Variants in PTPRD observed in about 807,000 individuals in gnomAD.
PTPRD encodes the protein receptor-type tyrosine-protein phosphatase delta.
A neutral mutation model predicts 214.5 loss-of-function variants in PTPRD; 34 were observed. The observed-to-expected ratio is 0.16, with a 90% CI of 0.12 to 0.21. The LOEUF (loss-of-function observed/expected upper bound fraction) is 0.21, where lower values mean the gene tolerates loss of function less well. PTPRD is among the 10% of genes least tolerant of loss of function. PTPRD has a pLI of 1.00. For missense variants in PTPRD, 2,545 were observed against 2,398.7 expected, an observed-to-expected ratio of 1.06 and a Z score of -1.27; for synonymous variants, 1,128 against 845.7, an observed-to-expected ratio of 1.33 and a Z score of -5.79.
intron 10 of PTPRD, among the ~76,000 whole-genome samples, chr9:9,026,772 T>C (rs1016364483): frequency 6.6e-6 from 1 of 151,936 alleles, no homozygotes. Context: ...TGCTTTATTT[T>C]CATAAGAACT....
chr9:9,858,462 CGAT>C (rs1305687475), intron 5 of PTPRD, among the ~76,000 whole-genome samples: 4 of 152,142 alleles, frequency 2.6e-5, no homozygotes, highest in Admixed American at 2.6e-4. Flanking sequence ...TTTAATCTAT[CGAT>C]GAAGAATGAC....
At chr9:8,468,366 A>C (rs2096584874) in intron 31 of PTPRD, among the ~76,000 whole-genome samples, 1 of 152,010 alleles carries the variant, frequency 6.6e-6, no homozygotes, top group African/African-American at 2.4e-5. Context: ...TGAAAAGCTC[A>C]TGATCTATTA....
At chr9:8,619,740 C>A (rs1248592174) in intron 14 of PTPRD, among the ~76,000 whole-genome samples, 2 of 151,922 alleles carry the variant, frequency 1.3e-5, no homozygotes, top group East Asian at 3.9e-4. Flanking sequence ...CTCAGCAGCC[C>A]CTCTTGGTGG....
chr9:9,366,298 A>C (rs1268511312), intron 9 of PTPRD, among the ~76,000 whole-genome samples: 1 of 151,536 alleles, frequency 6.6e-6, no homozygotes, highest in Non-Finnish European at 1.5e-5. Context: ...GATTTACGAG[A>C]CGTTTTATTT....
intron 10 of PTPRD, among the ~76,000 whole-genome samples, chr9:9,090,233 C>G (rs879444759): frequency 5.9e-5 from 9 of 152,006 alleles, no homozygotes; most frequent in Non-Finnish European, 1.3e-4. Context: ...TTCTCAGCCT[C>G]TGGTAGCAAT....
At chr9:10,543,163 G>T (rs1362117609) in intron 2 of PTPRD, among the ~76,000 whole-genome samples, 2 of 152,056 alleles carry the variant, frequency 1.3e-5, no homozygotes, top group Non-Finnish European at 2.9e-5. Context: ...GGGATTACAG[G>T]TGCAAGCCAC....
intron 11 of PTPRD, among the ~76,000 whole-genome samples, chr9:8,801,237 G>GT (rs1211680763): frequency 2.0e-5 from 3 of 152,066 alleles, no homozygotes; most frequent in African/African-American, 7.2e-5. Flanking sequence ...GACTCACATA[G>GT]TAATTACTGG....
At chr9:10,278,935 A>T (rs778850529) in intron 3 of PTPRD, among the ~76,000 whole-genome samples, 5 of 151,812 alleles carry the variant, frequency 3.3e-5, no homozygotes, top group Admixed American at 6.6e-5. Context: ...CCACCACGCC[A>T]GGCTAATTTT....
chr9:8,467,315 G>C (rs2096563882), intron 31 of PTPRD, among the ~76,000 whole-genome samples: 2 of 151,714 alleles, frequency 1.3e-5, no homozygotes, highest in African/African-American at 4.8e-5. Context: ...AGGCCAGAAA[G>C]GTAGCACTAT....
At chr9:10,168,807 T>TAAA (rs2099177411) in intron 3 of PTPRD, among the ~76,000 whole-genome samples, 1 of 152,190 alleles carries the variant, frequency 6.6e-6, no homozygotes, top group Non-Finnish European at 1.5e-5. Flanking sequence ...AAAAATGAAG[T>TAAA]ATATATTACA....
At chr9:8,392,821 T>C (rs1377157888) in intron 36 of PTPRD, among the ~76,000 whole-genome samples, 2 of 152,088 alleles carry the variant, frequency 1.3e-5, no homozygotes, top group East Asian at 3.9e-4. Context: ...TAAGATCTAA[T>C]GAGTCCTGTA....
At chr9:8,604,432 A>G (rs964382661) in intron 14 of PTPRD, among the ~76,000 whole-genome samples, 10 of 152,318 alleles carry the variant, frequency 6.6e-5, no homozygotes, top group South Asian at 2.1e-4. Flanking sequence ...GCACAGCATG[A>G]TATTTTTTGA....
intron 14 of PTPRD, among the ~76,000 whole-genome samples, chr9:8,589,432 G>A (rs908730105): frequency 3.3e-5 from 5 of 152,114 alleles, no homozygotes; most frequent in Admixed American, 1.3e-4. Flanking sequence ...CTGACTTGTC[G>A]CTTGATTCTT....
intron 3 of PTPRD, among the ~76,000 whole-genome samples, chr9:10,057,062 C>G (rs1401915318): frequency 6.6e-6 from 1 of 152,108 alleles, no homozygotes; most frequent in Non-Finnish European, 1.5e-5. Flanking sequence ...TGCAAGTCAG[C>G]AAAGCTGGTT....
chr9:10,029,516 A>T (rs1432149970), intron 4 of PTPRD, among the ~76,000 whole-genome samples: 5 of 152,176 alleles, frequency 3.3e-5, no homozygotes, highest in African/African-American at 9.7e-5. Context: ...AGGATGTGAG[A>T]CATGGAGTCA....
At chr9:9,566,955 T>C (rs1252584255) in intron 8 of PTPRD, among the ~76,000 whole-genome samples, 1 of 151,812 alleles carries the variant, frequency 6.6e-6, no homozygotes, top group Non-Finnish European at 1.5e-5. Context: ...GATTACAGAG[T>C]CAAATACTAA....
At chr9:8,395,225 T>C (rs1044478333) in intron 36 of PTPRD, among the ~76,000 whole-genome samples, 8 of 152,186 alleles carry the variant, frequency 5.3e-5, no homozygotes, top group Non-Finnish European at 1.0e-4. Context: ...AAAAGCTACC[T>C]TTCATTTGTT....
chr9:9,331,288 T>G (rs2042215800), intron 9 of PTPRD, among the ~76,000 whole-genome samples: 1 of 152,056 alleles, frequency 6.6e-6, no homozygotes. Flanking sequence ...TACCTTGTCT[T>G]TTTCCACCCC....
intron 33 of PTPRD, among the ~76,000 whole-genome samples, chr9:8,451,516 G>T (rs2095950024): frequency 6.6e-6 from 1 of 152,192 alleles, no homozygotes; most frequent in Admixed American, 6.5e-5. Flanking sequence ...GCGAAAGGAG[G>T]ACATGATGGC....
Sources: allele counts gnomAD v4.1 joint callset (sites outside exome capture counted in the v4.1 genomes callset), GRCh38; gene constraint gnomAD v4.1.1; transcripts MANE v1.5; gene names NCBI Gene and HGNC (gene_info 2026-07-23, HGNC 2026-07-21).